The following CLVS1 variants were observed in gnomAD, a reference collection of about 807,000 sequenced individuals.
CLVS1 encodes the protein clavesin 1, also known as clavesin-1.
In CLVS1, 10 loss-of-function variants were observed where a neutral mutation model predicts 33.1. That is an observed-to-expected ratio of 0.30 (90% CI 0.19 to 0.51). The LOEUF is 0.51. Ranked by LOEUF, CLVS1 falls within the 20% of genes least tolerant of loss-of-function variation. CLVS1 has a pLI of 0.97. For missense variants in CLVS1, 343 were observed against 433.4 expected (o/e 0.79, Z 1.85); for synonymous variants, 163 against 166.1 (o/e 0.98, Z 0.14).
chr8:61,291,561 G>A (rs1362779458), intron 1 of CLVS1, among the ~76,000 whole-genome samples: 2 of 152,054 alleles, frequency 1.3e-5, no homozygotes, highest in African/African-American at 4.8e-5. Flanking sequence ...GTTGTAGGGG[G>A]GCGTGTTAAA....
At chr8:61,152,801 G>A (rs114250031) in intron 2 of CLVS1, among the ~76,000 whole-genome samples, 1,647 of 152,264 alleles carry the variant, frequency 0.011, 39 homozygotes, top group African/African-American at 0.038. Context: ...ATACTATCAC[G>A]TTGGGGGTTA....
At chr8:61,176,409 C>T (rs961635099) in intron 2 of CLVS1, among the ~76,000 whole-genome samples, 1 of 152,168 alleles carries the variant, frequency 6.6e-6, no homozygotes. Context: ...CACCCAAGAG[C>T]AGAATTTCTG....
At chr8:60,971,041 C>CTTTT in the CLVS1 span, among the ~76,000 whole-genome samples, 1 of 129,632 alleles carries the variant, frequency 7.7e-6, no homozygotes, top group African/African-American at 2.8e-5. Context: ...AATCTAGCAA[C>CTTTT]TTTTTTTTTT....
At chr8:61,029,854 T>G in the CLVS1 span, among the ~76,000 whole-genome samples, 2 of 152,154 alleles carry the variant, frequency 1.3e-5, no homozygotes, top group African/African-American at 2.4e-5. Flanking sequence ...TTGGGTGGCT[T>G]TAGTTCCTGC....
chr8:61,208,257 T>C (rs573856462), intron 2 of CLVS1, among the ~76,000 whole-genome samples: 46 of 152,344 alleles, frequency 3.0e-4, no homozygotes, highest in African/African-American at 1.1e-3. Flanking sequence ...CAGGCACACA[T>C]GCTGATTTAG....
intron 2 of CLVS1, among the ~76,000 whole-genome samples, chr8:61,322,304 G>T (rs1811221364): frequency 6.6e-6 from 1 of 152,160 alleles, no homozygotes; most frequent in African/African-American, 2.4e-5. Context: ...GATCCCTTTG[G>T]AGACTGATGT....
At chr8:61,316,692 C>G (rs1054002504) in intron 2 of CLVS1, among the ~76,000 whole-genome samples, 3 of 152,114 alleles carry the variant, frequency 2.0e-5, no homozygotes, top group African/African-American at 4.8e-5. Context: ...ATATTTTGCT[C>G]TCTCACACAT....
At chr8:60,973,163 G>C in the CLVS1 span, among the ~76,000 whole-genome samples, 1 of 152,224 alleles carries the variant, frequency 6.6e-6, no homozygotes, top group African/African-American at 2.4e-5. Flanking sequence ...CATGTGGGTT[G>C]AAAGATTGGC....
intron 2 of CLVS1, among the ~76,000 whole-genome samples, chr8:61,256,940 G>A (rs1037087998): frequency 1.3e-4 from 20 of 152,138 alleles, no homozygotes; most frequent in Non-Finnish European, 1.9e-4. Flanking sequence ...TTTCCTTACT[G>A]GAGGTATAAG....
intron 3 of CLVS1, among the ~76,000 whole-genome samples, chr8:61,452,819 G>A (rs776833638): frequency 1.3e-5 from 2 of 152,150 alleles, no homozygotes; most frequent in Non-Finnish European, 2.9e-5. Context: ...AAATGTCTAG[G>A]TAGAGGAAAA....
At chr8:61,071,859 AAG>A (rs1216959392) in intron 1 of CLVS1, among the ~76,000 whole-genome samples, 1 of 152,212 alleles carries the variant, frequency 6.6e-6, no homozygotes, top group Non-Finnish European at 1.5e-5. Context: ...ATCTTTAAGA[AAG>A]AAAACCAGTT....
chr8:61,364,282 A>G (rs1563517647), intron 2 of CLVS1, among the ~76,000 whole-genome samples: 1 of 152,166 alleles, frequency 6.6e-6, no homozygotes. Flanking sequence ...GTCAGTGGTC[A>G]GGGTGTTCCT....
intron 3 of CLVS1, among the ~76,000 whole-genome samples, chr8:61,414,826 A>G (rs1418384497): frequency 6.6e-6 from 1 of 152,208 alleles, no homozygotes; most frequent in African/African-American, 2.4e-5. Flanking sequence ...GACAGATGAG[A>G]TGTCAAATGT....
Position 61,357,489 on chromosome 8 carries a change from CTTTTCTTTTTTTTTTT to C in CLVS1, c.456-19111_456-19096del, listed in dbSNP as rs1812774817. On this transcript the variant is annotated intron_variant, in intron 2 of 5. Transcript: ENST00000325897. ...TTTTCCTTCTTTTTCTTTCCTTTTT[CTTTTCTTTTTTTTTTT>C]TTTTTTTTTTTTTTTTTGAGATGGA... 2.0e-4 allele frequency among the ~76,000 whole-genome samples: 6 copies of C among 30,268 alleles called. No homozygotes were observed. The East Asian group carries it at 2.9e-3, about 15-fold the overall frequency. The allele number at this position is 30,268 out of a possible 152,430, so 19.9% of individuals were successfully genotyped here. A position where few individuals can be genotyped will look rare whatever the true frequency, so the allele number is the denominator to read the frequency against.
the CLVS1 span, among the ~76,000 whole-genome samples, chr8:61,040,167 C>A: frequency 6.6e-6 from 1 of 152,208 alleles, no homozygotes; most frequent in African/African-American, 2.4e-5. Context: ...CTGCAAAGGA[C>A]ATAATTTCAT....
intron 2 of CLVS1, among the ~76,000 whole-genome samples, chr8:61,279,144 G>T (rs1000785146): frequency 6.6e-6 from 1 of 152,190 alleles, no homozygotes; most frequent in African/African-American, 2.4e-5. Flanking sequence ...AAAAAGACCT[G>T]AAGTGTATAT....
At chr8:61,425,995 C>T (rs932502214) in intron 3 of CLVS1, among the ~76,000 whole-genome samples, 2 of 152,190 alleles carry the variant, frequency 1.3e-5, no homozygotes, top group African/African-American at 4.8e-5. Flanking sequence ...TAATTACACT[C>T]TTATAGGGAT....
At chr8:61,331,820 C>CTCT (rs1162913879) in intron 2 of CLVS1, among the ~76,000 whole-genome samples, 1 of 143,162 alleles carries the variant, frequency 7.0e-6, no homozygotes, top group African/African-American at 2.9e-5. Context: ...CCTCCTCCTC[C>CTCT]TCTTCCTCCT....
Position 61,092,433 on chromosome 8 carries a change from A to G in CLVS1, c.-243+35203A>G, listed in dbSNP as rs561637729. On this transcript the variant is annotated intron_variant, in intron 1 of 2. Transcript: ENST00000522621. ...CATCTCCCGCTGCTGTAAAGTCACC[A>G]TAAACGCAGTGGCTTATAACAACAC... 7.9e-5 allele frequency among the ~76,000 whole-genome samples: 12 copies of G among 152,368 alleles called. No homozygotes were observed. In the East Asian group the frequency reaches 2.3e-3, roughly 29 times the overall value.
Sources: gnomAD v4.1 joint callset for allele counts (sites outside exome capture counted in the v4.1 genomes callset) on GRCh38, gnomAD v4.1.1 for gene constraint, MANE v1.5 for transcripts, NCBI Gene and HGNC (gene_info 2026-07-23, HGNC 2026-07-21) for gene names.